KCNIP4: variants seen among roughly 807,000 people sequenced by gnomAD.
KCNIP4 encodes the protein potassium voltage-gated channel interacting protein 4, also known as Kv channel-interacting protein 4.
KCNIP4 carries 12 observed loss-of-function variants against 34.0 expected under a neutral mutation model. The ratio of observed to expected loss-of-function variants is 0.35; its 90% CI spans 0.23 to 0.57. The LOEUF is 0.57. Ranked by LOEUF, KCNIP4 falls within the 20% of genes least tolerant of loss-of-function variation. KCNIP4 has a pLI of 0.83. For missense variants in KCNIP4, 238 were observed against 311.7 expected, an observed-to-expected ratio of 0.76 and a Z score of 1.78; for synonymous variants, 124 against 102.2, an observed-to-expected ratio of 1.21 and a Z score of -1.29.
intron 1 of KCNIP4, among the ~76,000 whole-genome samples, chr4:20,937,238 T>A (rs1194548331): frequency 7.7e-6 from 1 of 130,436 alleles, no homozygotes; most frequent in Non-Finnish European, 1.6e-5. Context: ...TTTTTTTTTT[T>A]TTTTTTTTTT....
chr4:20,940,856 C>T (rs1200444876), intron 1 of KCNIP4, among the ~76,000 whole-genome samples: 9 of 152,082 alleles, frequency 5.9e-5, no homozygotes, highest in East Asian at 3.9e-4. Flanking sequence ...TCAGCTGAAC[C>T]GCTGCTGTAA....
At chr4:20,835,774 A>AT (rs955257683) in intron 3 of KCNIP4, among the ~76,000 whole-genome samples, 1 of 151,780 alleles carries the variant, frequency 6.6e-6, no homozygotes, top group African/African-American at 2.4e-5. Flanking sequence ...TCACTCAACA[A>AT]TTTCCCCCCA....
intron 1 of KCNIP4, among the ~76,000 whole-genome samples, chr4:21,003,164 A>G (rs536122573): frequency 1.3e-5 from 2 of 152,286 alleles, no homozygotes; most frequent in South Asian, 2.1e-4. Flanking sequence ...AACAGAGCTT[A>G]TGTCACTTCC....
chr4:20,943,432 G>T (rs1236499857), intron 1 of KCNIP4, among the ~76,000 whole-genome samples: 2 of 152,162 alleles, frequency 1.3e-5, no homozygotes, highest in African/African-American at 4.8e-5. Flanking sequence ...TAAGAGCTGG[G>T]TTTCAAATCC....
At chr4:21,823,840 C>G (rs1560741208) in intron 1 of KCNIP4, among the ~76,000 whole-genome samples, 1 of 152,192 alleles carries the variant, frequency 6.6e-6, no homozygotes, top group Non-Finnish European at 1.5e-5. Context: ...AAAAAATGAC[C>G]ACCGATTTTT....
At chr4:21,107,745 T>G (rs1748713726) in intron 1 of KCNIP4, among the ~76,000 whole-genome samples, 1 of 151,610 alleles carries the variant, frequency 6.6e-6, no homozygotes, top group Non-Finnish European at 1.5e-5. Flanking sequence ...TACCAGTTGA[T>G]CCTTTCCATG....
intron 1 of KCNIP4, among the ~76,000 whole-genome samples, chr4:21,594,279 T>C (rs1234529675): frequency 6.6e-6 from 1 of 152,078 alleles, no homozygotes; most frequent in East Asian, 1.9e-4. Flanking sequence ...AAATAAACAA[T>C]TCAATATTTT....
At chr4:21,169,257 A>C (rs951311719) in intron 1 of KCNIP4, among the ~76,000 whole-genome samples, 10 of 151,966 alleles carry the variant, frequency 6.6e-5, no homozygotes, top group African/African-American at 2.4e-4. Context: ...GGCTCAAGTG[A>C]TCCTCCTGCC....
intron 3 of KCNIP4, among the ~76,000 whole-genome samples, chr4:20,808,066 T>C (rs1366879746): frequency 6.6e-6 from 1 of 152,168 alleles, no homozygotes; most frequent in Non-Finnish European, 1.5e-5. Flanking sequence ...CAAGGCTAGA[T>C]TGTAGACTCT....
chr4:21,527,646 G>GACTCTTACATTTACGTCTGTAAA (rs1736084799), intron 1 of KCNIP4, among the ~76,000 whole-genome samples: 1 of 152,142 alleles, frequency 6.6e-6, no homozygotes, highest in African/African-American at 2.4e-5. Flanking sequence ...CTCTTACATT[G>GACTCTTACATTTACGTCTGTAAA]TAGCTGTTAC....
chr4:21,931,236 C>CTTT (rs33977693), intron 1 of KCNIP4, among the ~76,000 whole-genome samples: 1 of 148,432 alleles, frequency 6.7e-6, no homozygotes, highest in Admixed American at 6.7e-5. Context: ...TGAAGCTCAG[C>CTTT]TTTTTTTTTT....
intron 1 of KCNIP4, among the ~76,000 whole-genome samples, chr4:21,745,289 T>A (rs568392590): frequency 6.6e-6 from 1 of 152,322 alleles, no homozygotes; most frequent in South Asian, 2.1e-4. Context: ...TCACTTGAAA[T>A]AAGATTACCG....
At chr4:21,132,848 A>C in intron 1 of KCNIP4, among the ~76,000 whole-genome samples, 1 of 99,082 alleles carries the variant, frequency 1.0e-5, no homozygotes. Flanking sequence ...GTCTCTACTA[A>C]ACGACAAAAA....
At chr4:20,907,367 G>C (rs963386989) in intron 1 of KCNIP4, among the ~76,000 whole-genome samples, 1 of 152,120 alleles carries the variant, frequency 6.6e-6, no homozygotes. Flanking sequence ...TTAATTGCTA[G>C]ATTTGCAACT....
chr4:21,906,445 G>A (rs917124869), intron 1 of KCNIP4, among the ~76,000 whole-genome samples: 5 of 152,150 alleles, frequency 3.3e-5, no homozygotes, highest in Non-Finnish European at 5.9e-5. Context: ...AGACATGTTG[G>A]CAGCCACCAG....
chr4:20,758,956 T>A (rs1754717013), intron 3 of KCNIP4, 66 bp from the exon 4 acceptor site: 1 of 1,276,420 alleles, frequency 7.8e-7, no homozygotes, highest in Admixed American at 1.7e-5. Context: ...TTTTGCACAT[T>A]TTGAAACAGA....
chr4:21,259,885 C>CTGTGTGTG (rs4054880), intron 1 of KCNIP4, among the ~76,000 whole-genome samples: 5,692 of 145,914 alleles, frequency 0.039, 178 homozygotes, highest in Middle Eastern at 0.064. Context: ...GCGCCCAAGA[C>CTGTGTGTG]TGTGTGTGTG....
chr4:21,930,613 G>A (rs997476760), intron 1 of KCNIP4, among the ~76,000 whole-genome samples: 2 of 152,002 alleles, frequency 1.3e-5, no homozygotes, highest in African/African-American at 4.8e-5. Context: ...ACTATGGCTC[G>A]ATTTTTCACA....
chr4:21,001,448 G>C (rs1738131134), intron 1 of KCNIP4, among the ~76,000 whole-genome samples: 1 of 152,274 alleles, frequency 6.6e-6, no homozygotes, highest in Non-Finnish European at 1.5e-5. Flanking sequence ...AGATGGATTT[G>C]GCCAGTTCAT....
Sources: allele counts gnomAD v4.1 joint callset (sites outside exome capture counted in the v4.1 genomes callset), GRCh38; gene constraint gnomAD v4.1.1; transcripts MANE v1.5; gene names NCBI Gene and HGNC (gene_info 2026-07-23, HGNC 2026-07-21).